Variants in ACBD6 observed in about 807,000 individuals in gnomAD.
The protein encoded by ACBD6 is acyl-CoA-binding domain-containing protein 6.
Under a neutral mutation model 37.2 loss-of-function variants are expected in ACBD6, and 28 were observed. The ratio of observed to expected loss-of-function variants is 0.75; its 90% confidence interval spans 0.56 to 1.03. The LOEUF (loss-of-function observed/expected upper bound fraction) is 1.03, where lower values mean the gene tolerates loss of function less well. ACBD6 is among the 50% of genes least tolerant of loss of function. The pLI, the probability that ACBD6 is intolerant of heterozygous loss-of-function variation, is 0.00. For synonymous variants in ACBD6, 113 were observed against 126.8 expected, an observed-to-expected ratio of 0.89 and a Z score of 0.73; for missense variants, 340 against 337.4, an observed-to-expected ratio of 1.01 and a Z score of -0.06.
chr1:180,380,614 T>A (rs201646864), intron 6 of ACBD6, among the ~76,000 whole-genome samples: 3 of 149,308 alleles, frequency 2.0e-5, no homozygotes, highest in Non-Finnish European at 3.0e-5. Context: ...TTTTAAAAGT[T>A]AAAAAAAAAA....
At chr1:180,307,003 G>A (rs1650407737) in intron 7 of ACBD6, among the ~76,000 whole-genome samples, 2 of 152,080 alleles carry the variant, frequency 1.3e-5, no homozygotes, top group South Asian at 2.1e-4. Context: ...CCCAATCATG[G>A]GTATATACCC....
intron 3 of ACBD6, among the ~76,000 whole-genome samples, chr1:180,455,369 C>T (rs1452839862): frequency 1.4e-5 from 2 of 146,576 alleles, no homozygotes; most frequent in Non-Finnish European, 3.0e-5. Flanking sequence ...CAGGGCCTAT[C>T]GGGGGTTGGG....
chr1:180,444,718 T>C (rs1649412359), intron 3 of ACBD6, among the ~76,000 whole-genome samples: 1 of 109,298 alleles, frequency 9.1e-6, no homozygotes, highest in African/African-American at 2.5e-5. Flanking sequence ...GCATCAGCAA[T>C]TAAATAGAGT....
At chr1:180,417,440 G>A (rs186379612) in intron 4 of ACBD6, among the ~76,000 whole-genome samples, 234 of 152,298 alleles carry the variant, frequency 1.5e-3, no homozygotes, top group African/African-American at 5.3e-3. Context: ...GTTCATTCAT[G>A]AGGTCTCATT....
rs896024036 is a variant in ACBD6, at chr1:180,430,199, A to G, written c.448T>C (p.Tyr150His). ...GFGGPVISSL[Y>H]HEETIREEDK... ...AATTACCTGATGGTTTCTTCATGAT[A>G]TAGAGAACTAATAACTGGCCCACCA... Residue 150 changes from tyrosine to histidine, a missense_variant, in exon 4 of 8, where the codon TAT becomes CAT. Tyr to His is a moderately conservative substitution (Grantham distance 83). Coordinates refer to ENST00000367595, the MANE Select transcript of ACBD6 (RefSeq NM_032360.4). 28 of 1,613,222 alleles carry G rather than the reference A, an allele frequency of 1.7e-5. No homozygotes were observed. Among genetic ancestry groups the G allele is most frequent in the Non-Finnish European group, 2.3e-5 (27 of 1,179,568 alleles).
chr1:180,442,752 T>C (rs979179643), intron 3 of ACBD6, among the ~76,000 whole-genome samples: 3 of 152,232 alleles, frequency 2.0e-5, no homozygotes, highest in Non-Finnish European at 4.4e-5. Context: ...CTGCTGTTAA[T>C]CATATCCAGT....
exon 14 of ACBD6, chr1:180,271,484 G>C: frequency 6.2e-7 from 1 of 1,614,174 alleles, no homozygotes; most frequent in Non-Finnish European, 8.5e-7. Context: ...TGCCCGGCAC[G>C]TGAGGGAGCA....
intron 5 of ACBD6, among the ~76,000 whole-genome samples, chr1:180,404,497 G>A (rs549410664): frequency 4.5e-4 from 68 of 151,098 alleles, no homozygotes; most frequent in Non-Finnish European, 7.1e-4. Context: ...TCACTTTGTC[G>A]CCCAGGCTGG....
chr1:180,486,877 G>A (rs1651286522), intron 3 of ACBD6, among the ~76,000 whole-genome samples: 1 of 152,158 alleles, frequency 6.6e-6, no homozygotes, highest in South Asian at 2.1e-4. Context: ...CTGATGCATT[G>A]AGGAGGACAA....
rs1029671949 is a variant in ACBD6 at position 180,334,698 on chromosome 1, C to T, written c.664-19976G>A. 1.1e-4 allele frequency among the ~76,000 whole-genome samples: 16 copies of T among 151,810 alleles called. No homozygotes were observed. In the East Asian group the frequency reaches 1.7e-3, roughly 16 times the overall value. On this transcript the variant is annotated intron_variant, in intron 6 of 7. Coordinates refer to ENST00000367595, the MANE Select transcript of ACBD6 (RefSeq NM_032360.4). ...TGAGTTGAGAGAAGAAGGCTTCAGACGATCAAACTACTTTGAGCTAAAGGA... is the reference window on the plus strand; with the variant it reads ...TGAGTTGAGAGAAGAAGGCTTCAGATGATCAAACTACTTTGAGCTAAAGGA...
intron 3 of ACBD6, among the ~76,000 whole-genome samples, chr1:180,463,988 C>T (rs533736877): frequency 2.6e-5 from 4 of 152,150 alleles, no homozygotes; most frequent in Admixed American, 2.0e-4. Flanking sequence ...AAAAGGATTT[C>T]GATAAAACTC....
chr1:180,372,712 T>C (rs559676275), intron 6 of ACBD6, among the ~76,000 whole-genome samples: 1 of 152,266 alleles, frequency 6.6e-6, no homozygotes, highest in African/African-American at 2.4e-5. Flanking sequence ...CACTTGGAAT[T>C]TCATACATAG....
At chr1:180,302,295 T>C (rs1650161663) in intron 7 of ACBD6, among the ~76,000 whole-genome samples, 1 of 152,126 alleles carries the variant, frequency 6.6e-6, no homozygotes. Flanking sequence ...TTTTTTGATA[T>C]TTCTAGGCTG....
At chr1:180,439,436 A>G (rs550315808) in intron 3 of ACBD6, among the ~76,000 whole-genome samples, 1 of 152,158 alleles carries the variant, frequency 6.6e-6, no homozygotes, top group Admixed American at 6.5e-5. Context: ...TAAAACAACA[A>G]CAAAATTAGC....
intron 6 of ACBD6, among the ~76,000 whole-genome samples, chr1:180,321,520 C>A (rs1316773310): frequency 6.6e-6 from 1 of 151,854 alleles, no homozygotes; most frequent in Non-Finnish European, 1.5e-5. Flanking sequence ...TTGGTTAATT[C>A]CTGGGTATTT....
intron 3 of ACBD6, among the ~76,000 whole-genome samples, chr1:180,439,910 A>T (rs1278515185): frequency 1.3e-5 from 2 of 152,162 alleles, no homozygotes; most frequent in African/African-American, 4.8e-5. Context: ...TGATCTTTTA[A>T]AGAGATTTTA....
chr1:180,502,542 C>A lies in ACBD6; in HGVS notation c.-276G>T. The A allele has an allele frequency of 2.0e-6, 1 of 489,766 alleles. No homozygotes were observed. The highest frequency in any genetic ancestry group is 3.8e-6 in the Non-Finnish European group (1 of 266,538). 30.3% of individuals were successfully genotyped at this position (489,766 alleles called of 1,614,324 possible). On this transcript the variant is annotated 5_prime_UTR_variant, in exon 1 of 8. Coordinates refer to ENST00000367595, the MANE Select transcript of ACBD6 (RefSeq NM_032360.4). ...GCCAACAGCGCGCTCAGGCTCGCCT[C>A]AGGCCCCTCCAACGGAACAGGAGTC... is the stretch of plus-strand genomic sequence containing the variant.
At chr1:180,354,925 T>TA (rs1224066302) in intron 6 of ACBD6, among the ~76,000 whole-genome samples, 3 of 152,182 alleles carry the variant, frequency 2.0e-5, no homozygotes, top group Admixed American at 6.5e-5. Context: ...AATAAAGACA[T>TA]ACGCAACATT....
At chr1:180,382,101 C>T (rs1266305172) in intron 6 of ACBD6, among the ~76,000 whole-genome samples, 1 of 127,870 alleles carries the variant, frequency 7.8e-6, no homozygotes, top group Non-Finnish European at 1.6e-5. Context: ...GGTGACAGAA[C>T]AAGACTGCAT....
Sources: allele counts gnomAD v4.1 joint callset (sites outside exome capture counted in the v4.1 genomes callset), GRCh38; gene constraint gnomAD v4.1.1; transcripts MANE v1.5; gene names NCBI Gene and HGNC (gene_info 2026-07-23, HGNC 2026-07-21).